RHBDL2: variants seen among roughly 807,000 people sequenced by gnomAD.
RHBDL2 encodes rhomboid-related protein 2.
RHBDL2 carries 26 observed loss-of-function variants against 31.7 expected under a neutral mutation model. The ratio of observed to expected loss-of-function variants is 0.82; its 90% CI spans 0.60 to 1.14. The LOEUF (loss-of-function observed/expected upper bound fraction) is 1.14. RHBDL2 is among the 50% of genes most tolerant of loss of function. RHBDL2 has a pLI of 0.00. For synonymous variants in RHBDL2, 123 were observed against 127.2 expected (o/e 0.97, Z 0.22); for missense variants, 336 against 364.4 (o/e 0.92, Z 0.63).
chr1:38,892,574 C>CT, intron 6 of RHBDL2, among the ~76,000 whole-genome samples: 1 of 152,318 alleles, frequency 6.6e-6, no homozygotes, highest in Non-Finnish European at 1.5e-5. Flanking sequence ...CAATTTTTCT[C>CT]TAACTGTAGG....
chr1:38,931,156 T>C (rs897177711), intron 1 of RHBDL2, among the ~76,000 whole-genome samples: 2 of 152,210 alleles, frequency 1.3e-5, no homozygotes, highest in Non-Finnish European at 2.9e-5. Flanking sequence ...TATCTTTTCA[T>C]GTACAGCCAA....
intron 3 of RHBDL2, 121 bp downstream of exon 3, chr1:38,915,441 G>T (rs956773327): frequency 1.1e-5 from 11 of 967,380 alleles, no homozygotes; most frequent in Non-Finnish European, 1.4e-5. Context: ...CTACCCCTTA[G>T]GGTTGCTGTG....
chr1:38,917,081 G>A (rs1246843909), intron 2 of RHBDL2, among the ~76,000 whole-genome samples: 2 of 139,688 alleles, frequency 1.4e-5, no homozygotes, highest in Non-Finnish European at 3.1e-5. Flanking sequence ...GCAGTGGCGT[G>A]ATCTCAGCTC....
At position 38,904,835 on chromosome 1, in the gene RHBDL2, T is replaced by C. The variant is rs1020246774; in HGVS notation, c.508+6487A>G. Among the ~76,000 whole-genome samples, 959 of 146,016 alleles carry C rather than the reference T, an allele frequency of 6.6e-3. 24 individuals carry two copies. The highest frequency in any genetic ancestry group is 0.049 in the Admixed American group (709 of 14,578). ...TCACGAGGTCAGGATATCGAGACCA[T>C]CCTGGCTAACACGGTGAAACCCCGT... On this transcript the variant is annotated intron_variant, in intron 4 of 7. Coordinates refer to ENST00000372990, the MANE Select transcript of RHBDL2 (RefSeq NM_017821.5).
At chr1:38,934,019 T>C (rs1643465818) in intron 1 of RHBDL2, among the ~76,000 whole-genome samples, 1 of 152,088 alleles carries the variant, frequency 6.6e-6, no homozygotes, top group South Asian at 2.1e-4. Context: ...TTATCCACCG[T>C]GCTGTGTCCA....
intron 1 of RHBDL2, among the ~76,000 whole-genome samples, chr1:38,936,237 A>G (rs1202968316): frequency 6.6e-6 from 1 of 152,006 alleles, no homozygotes; most frequent in Non-Finnish European, 1.5e-5. Context: ...TTTTTATTTT[A>G]TGTTTTATTT....
rs145968151 is a variant in RHBDL2 at position 38,909,057 on chromosome 1, C to A, written c.508+2265G>T. On this transcript the variant is annotated intron_variant, in intron 4 of 7. Transcript: ENST00000372990. ...TCCGCGTCCTCCGGCTGGTCAGTGG[C>A]CTGCTGGCGTGCTGGCGTCTGTCCT... Among the ~76,000 whole-genome samples, 79 of 152,278 alleles carry A rather than the reference C, an allele frequency of 5.2e-4. 1 individual carries two copies. In the East Asian group the frequency reaches 0.015, roughly 28 times the overall value.
intron 4 of RHBDL2, among the ~76,000 whole-genome samples, chr1:38,901,881 T>C (rs1642995260): frequency 6.7e-6 from 1 of 149,900 alleles, no homozygotes. Flanking sequence ...AAACAAAAAC[T>C]GATAGAACCA....
chr1:38,916,994 G>C (rs1643246341), intron 2 of RHBDL2, among the ~76,000 whole-genome samples: 1 of 151,356 alleles, frequency 6.6e-6, no homozygotes, highest in South Asian at 2.1e-4. Flanking sequence ...GGAGAAACTG[G>C]GTGAGAGGCA....
chr1:38,890,733 T>C (rs1282379489), intron 6 of RHBDL2, among the ~76,000 whole-genome samples: 2 of 151,428 alleles, frequency 1.3e-5, no homozygotes, highest in African/African-American at 4.9e-5. Flanking sequence ...ACAACCTCGC[T>C]CTGCTGCCCA....
chr1:38,889,985 G>T (rs1302415926), intron 6 of RHBDL2, among the ~76,000 whole-genome samples: 1 of 151,714 alleles, frequency 6.6e-6, no homozygotes, highest in East Asian at 1.9e-4. Flanking sequence ...TATTCATTTA[G>T]TTGTAAATGA....
intron 4 of RHBDL2, among the ~76,000 whole-genome samples, chr1:38,908,440 A>G (rs1406804358): frequency 7.6e-6 from 1 of 132,288 alleles, no homozygotes; most frequent in African/African-American, 2.9e-5. Context: ...TGAACCCAGG[A>G]GGTGGAGGTT....
At chr1:38,898,916 A>G (rs1279548687) in intron 4 of RHBDL2, among the ~76,000 whole-genome samples, 1 of 152,226 alleles carries the variant, frequency 6.6e-6, no homozygotes, top group Admixed American at 6.5e-5. Context: ...GTTTCCACAC[A>G]TCATAAGTCT....
At position 38,896,013 on chromosome 1, in the gene RHBDL2, CT is replaced by C; in HGVS notation, c.564del (p.Gly189GlufsTer5). 6.2e-7 allele frequency: 1 copy of C among 1,613,896 alleles called. No homozygotes were observed. Among genetic ancestry groups the C allele is most frequent in the Non-Finnish European group, 8.5e-7 (1 of 1,179,936 alleles). ...DPLRYLVGAS[G>X]GVYALMGGYF... ...TAGCCTCCCATCAGAGCATAGACTC[CT>C]CCTGAAGCTCCCACAAGATATCTGA... On this transcript the variant is annotated frameshift_variant, in exon 5 of 8. Transcript: ENST00000372990. LOFTEE classifies it high-confidence loss of function.
intron 5 of RHBDL2, 65 bp downstream of exon 5, chr1:38,895,904 C>T: frequency 1.9e-6 from 2 of 1,053,036 alleles, no homozygotes; most frequent in South Asian, 1.4e-5. Context: ...TTCGTTGAAA[C>T]AAAGAAGAGT....
intron 1 of RHBDL2, among the ~76,000 whole-genome samples, chr1:38,927,816 AT>A (rs1643394530): frequency 6.6e-6 from 1 of 152,196 alleles, no homozygotes; most frequent in Non-Finnish European, 1.5e-5. Flanking sequence ...GTCTTCATTA[AT>A]TTTTACCACT....
intron 1 of RHBDL2, among the ~76,000 whole-genome samples, chr1:38,921,050 A>G (rs1232196803): frequency 6.6e-6 from 1 of 152,190 alleles, no homozygotes; most frequent in Non-Finnish European, 1.5e-5. Flanking sequence ...ACTGAGGATA[A>G]TGATAGCACT....
chr1:38,905,808 C>G (rs925931222), intron 4 of RHBDL2, among the ~76,000 whole-genome samples: 1 of 151,406 alleles, frequency 6.6e-6, no homozygotes, highest in African/African-American at 2.4e-5. Flanking sequence ...TTGCTCACAC[C>G]TCTAATCCCA....
chr1:38,920,414 T>C (rs113407745), intron 1 of RHBDL2, among the ~76,000 whole-genome samples: 11,326 of 151,424 alleles, frequency 0.075, 443 homozygotes, highest in South Asian at 0.096. Flanking sequence ...GTGATCCACC[T>C]GCCTCGGCCT....
Sources: allele counts gnomAD v4.1 joint callset (sites outside exome capture counted in the v4.1 genomes callset), GRCh38; gene constraint gnomAD v4.1.1; transcripts MANE v1.5; gene names NCBI Gene and HGNC (gene_info 2026-07-23, HGNC 2026-07-21).